TMED3: variants seen among roughly 807,000 people sequenced by gnomAD.
TMED3 encodes transmembrane emp24 domain-containing protein 3.
A neutral mutation model predicts 15.0 loss-of-function variants in TMED3; 9 were observed. The ratio of observed to expected loss-of-function variants is 0.60; its 90% CI spans 0.36 to 1.04. The LOEUF (loss-of-function observed/expected upper bound fraction) is 1.04. TMED3 is among the 50% of genes least tolerant of loss of function. The pLI is 0.01. For synonymous variants in TMED3, 117 were observed against 121.4 expected (o/e 0.96, Z 0.24); for missense variants, 267 against 278.9 (o/e 0.96, Z 0.30).
chr15:79,318,883 T>C (rs1251118834), intron 2 of TMED3, among the ~76,000 whole-genome samples: 1 of 152,214 alleles, frequency 6.6e-6, no homozygotes, highest in East Asian at 1.9e-4. Flanking sequence ...GAAGTTCCCT[T>C]TGGAGTCAAC....
Position 79,320,704 on chromosome 15 carries a change from G to A in TMED3, c.418-1274G>A, listed in dbSNP as rs994738638. Among the ~76,000 whole-genome samples the A allele has an allele frequency of 2.0e-4, 31 of 152,110 alleles. 1 individual carries two copies. Among genetic ancestry groups the A allele is most frequent in the African/African-American group, 7.0e-4 (29 of 41,420 alleles). Reference sequence around the variant, plus strand: ...GGCTGCCTCTGAATAAGAACTCAACGTTTTCCCACAGGCATAATGTGTTGT... The same window carrying A: ...GGCTGCCTCTGAATAAGAACTCAACATTTTCCCACAGGCATAATGTGTTGT... On this transcript the variant is annotated intron_variant, in intron 2 of 2. Coordinates refer to ENST00000299705, the MANE Select transcript of TMED3 (RefSeq NM_007364.4).
intron 2 of TMED3, among the ~76,000 whole-genome samples, chr15:79,395,565 C>T (rs1184589842): frequency 6.6e-6 from 1 of 152,158 alleles, no homozygotes; most frequent in African/African-American, 2.4e-5. Flanking sequence ...CTTCTTCCCC[C>T]AACCATGGAT....
chr15:79,346,618 G>A (rs1460392906), intron 2 of TMED3, among the ~76,000 whole-genome samples: 1 of 152,122 alleles, frequency 6.6e-6, no homozygotes, highest in African/African-American at 2.4e-5. Flanking sequence ...TTAGCAGCAT[G>A]AGAACAAACT....
chr15:79,382,634 C>T (rs1161630805), intron 2 of TMED3, among the ~76,000 whole-genome samples: 1 of 152,200 alleles, frequency 6.6e-6, no homozygotes, highest in Non-Finnish European at 1.5e-5. Context: ...GGGTGCTCAG[C>T]TCCTTTGGCT....
exon 3 of TMED3, chr15:79,411,695 G>A (rs912308508): frequency 5.7e-5 from 31 of 541,152 alleles, no homozygotes; most frequent in South Asian, 2.4e-4. Context: ...CTGGAATCCC[G>A]GCAGGAGGAG....
At chr15:79,388,473 A>G (rs1237678203) in intron 2 of TMED3, among the ~76,000 whole-genome samples, 1 of 151,926 alleles carries the variant, frequency 6.6e-6, no homozygotes, top group Non-Finnish European at 1.5e-5. Context: ...ATATACATAT[A>G]CCACAGTTTC....
intron 2 of TMED3, among the ~76,000 whole-genome samples, chr15:79,376,427 T>C (rs183423411): frequency 1.0e-3 from 152 of 152,314 alleles, no homozygotes; most frequent in African/African-American, 3.4e-3. Flanking sequence ...AACCCCAGAA[T>C]TACAAAAACA....
chr15:79,386,770 A>T (rs1437105148), intron 2 of TMED3, among the ~76,000 whole-genome samples: 8 of 135,530 alleles, frequency 5.9e-5, no homozygotes, highest in Non-Finnish European at 1.2e-4. Context: ...ACTGGTCTTG[A>T]TCTCCTGACC....
chr15:79,366,874 T>G (rs964876347), intron 2 of TMED3, among the ~76,000 whole-genome samples: 3 of 151,566 alleles, frequency 2.0e-5, no homozygotes, highest in Non-Finnish European at 4.4e-5. Flanking sequence ...CTTTGTGTAT[T>G]TAATGTGCTG....
chr15:79,316,773 G>A (rs947012036), intron 2 of TMED3, among the ~76,000 whole-genome samples: 2 of 152,176 alleles, frequency 1.3e-5, no homozygotes, highest in African/African-American at 4.8e-5. Flanking sequence ...TAGCAGGGCG[G>A]AAGGTCACAC....
chr15:79,317,917 C>T (rs1382259744), intron 2 of TMED3, among the ~76,000 whole-genome samples: 6 of 152,226 alleles, frequency 3.9e-5, no homozygotes, highest in South Asian at 2.1e-4. Context: ...GGCAGATTCT[C>T]GTAAAGTGGG....
chr15:79,407,159 C>A (rs1315703062), intron 2 of TMED3, among the ~76,000 whole-genome samples: 1 of 152,174 alleles, frequency 6.6e-6, no homozygotes, highest in Non-Finnish European at 1.5e-5. Flanking sequence ...CAAGGCAGAC[C>A]CAGTGTCTCA....
At chr15:79,327,637 T>A (rs1228475044), downstream of TMED3, among the ~76,000 whole-genome samples, 1 of 152,250 alleles carries the variant, frequency 6.6e-6, no homozygotes, top group East Asian at 1.9e-4. Context: ...AATTTCCTTC[T>A]TTCTACTCAC....
At chr15:79,388,290 T>C (rs2141252611) in intron 2 of TMED3, among the ~76,000 whole-genome samples, 1 of 152,326 alleles carries the variant, frequency 6.6e-6, no homozygotes, top group African/African-American at 2.4e-5. Context: ...TCTGCTTTTA[T>C]TCCAAGTATA....
intron 2 of TMED3, among the ~76,000 whole-genome samples, chr15:79,357,865 A>G (rs2058925663): frequency 6.6e-6 from 1 of 152,080 alleles, no homozygotes; most frequent in African/African-American, 2.4e-5. Context: ...ATTGGTTTAT[A>G]CCATTGTTTA....
rs187057387 is a variant in TMED3 at position 79,402,099 on chromosome 15, C to T, written c.418-9301C>T. On this transcript the variant is annotated intron_variant, in intron 2 of 2. Coordinates refer to the TMED3 transcript ENST00000424155. ...GGGATCAGGAGGAAGGGAAAGGGAG[C>T]GTGCAGGGTGAAGAAGGAAAAGCTG... is the stretch of plus-strand genomic sequence containing the variant. 1.9e-3 allele frequency among the ~76,000 whole-genome samples: 292 copies of T among 152,194 alleles called. 1 individual carries two copies. Among genetic ancestry groups the T allele is most frequent in the African/African-American group, 6.7e-3 (277 of 41,520 alleles).
intron 2 of TMED3, among the ~76,000 whole-genome samples, chr15:79,407,454 A>G (rs1893916264): frequency 6.6e-6 from 1 of 152,176 alleles, no homozygotes; most frequent in Non-Finnish European, 1.5e-5. Context: ...TCCCAAAGTA[A>G]GGACTCTATA....
rs1487201580 is a variant in TMED3 at position 79,311,123 on chromosome 15, C to A, written c.-127C>A. On this transcript the variant is annotated 5_prime_UTR_variant, in exon 1 of 3. Coordinates refer to ENST00000299705, the MANE Select transcript of TMED3 (RefSeq NM_007364.4). ...ACTGAGCCGCCGGCCCTCCCGGAAGCGCAGAGCTCCGCTGGTGCCACGTCT... is the reference window on the plus strand; with the variant it reads ...ACTGAGCCGCCGGCCCTCCCGGAAGAGCAGAGCTCCGCTGGTGCCACGTCT... The A allele has an allele frequency of 9.2e-7, 1 of 1,087,600 alleles. No homozygotes were observed. The highest frequency in any genetic ancestry group is 1.2e-6 in the Non-Finnish European group (1 of 801,810). 67.4% of individuals were successfully genotyped at this position (1,087,600 alleles called of 1,614,324 possible).
Position 79,322,496 on chromosome 15 carries a change from G to A in TMED3, c.*282G>A, listed in dbSNP as rs2058772291. ...ACTGTGGGAGGGTGGACAGGCAATGGTTCAGTGGCCTGGCTGTTGGCAGGA... is the reference window on the plus strand; with the variant it reads ...ACTGTGGGAGGGTGGACAGGCAATGATTCAGTGGCCTGGCTGTTGGCAGGA... On this transcript the variant is annotated 3_prime_UTR_variant, in exon 3 of 3. Transcript: ENST00000299705. 1 of 1,243,718 alleles carries A rather than the reference G, an allele frequency of 8.0e-7. No individual in the cohort carries two copies. The highest frequency in any genetic ancestry group is 1.0e-6 in the Non-Finnish European group (1 of 989,530). 77.0% of individuals were successfully genotyped at this position (1,243,718 alleles called of 1,614,324 possible).
Sources: gnomAD v4.1 joint callset for allele counts (sites outside exome capture counted in the v4.1 genomes callset) on GRCh38, gnomAD v4.1.1 for gene constraint, MANE v1.5 for transcripts, NCBI Gene and HGNC (gene_info 2026-07-23, HGNC 2026-07-21) for gene names.